The following DSCAML1 variants were observed in gnomAD, a reference collection of about 807,000 sequenced individuals.
The protein encoded by DSCAML1 is cell adhesion molecule DSCAML1.
Under a neutral mutation model 200.5 loss-of-function variants are expected in DSCAML1, and 38 were observed. That is an observed-to-expected ratio of 0.19 (90% CI 0.15 to 0.25). DSCAML1 has a LOEUF of 0.25. Ranked by LOEUF, DSCAML1 falls within the 10% of genes least tolerant of loss-of-function variation. DSCAML1 has a pLI of 1.00. For missense variants in DSCAML1, 2,223 were observed against 2,858.8 expected (o/e 0.78, Z 5.07); for synonymous variants, 1,215 against 1,165.0 (o/e 1.04, Z -0.87).
intron 20 of DSCAML1, among the ~76,000 whole-genome samples, chr11:117,449,212 G>A (rs74862038): frequency 0.016 from 2,500 of 152,244 alleles, 61 homozygotes; most frequent in African/African-American, 0.057. Context: ...AGGGGCAGGC[G>A]GGAGCTGGAA....
chr11:117,428,932 G>T (rs1592555666), intron 32 of DSCAML1, 129 bp from the exon 33 acceptor site: 3 of 778,926 alleles, frequency 3.9e-6, no homozygotes, highest in Non-Finnish European at 6.1e-6. Flanking sequence ...CCACTGGGGG[G>T]CAATAAAGAG....
chr11:117,458,809 G>C lies in DSCAML1; in HGVS notation c.3513C>G (p.Thr1171=), dbSNP rs777547723. ...TNYSVQVLAY[T]QAGDGVRSSV... ...TGCTGCGTACGCCGTCCCCAGCCTG[G>C]GTGTAGGCCAGCACCTGGACGCTGT... Residue 1171 remains threonine (T), a synonymous_variant, in exon 19 of 33, where the codon ACC becomes ACG. Transcript: ENST00000651296. 1 of 1,613,914 alleles carries C rather than the reference G, an allele frequency of 6.2e-7. No individual in the cohort carries two copies. The highest frequency in any genetic ancestry group is 8.5e-7 in the Non-Finnish European group (1 of 1,180,012).
rs749746754 is a variant in DSCAML1, at chr11:117,480,590, G to T, written c.2657-19C>A. ...GGGGGCTCTAGGGTGCGGCAGTGGA[G>T]GGGAGGGAAGTGAGGAGGGCAGCAG... On this transcript the variant is annotated intron_variant, in intron 13 of 32. Transcript: ENST00000651296. This position sits in a 1 kb window ranked among gnomAD's most constrained non-coding sequence, Gnocchi z 4.1. 6.4e-7 allele frequency: 1 copy of T among 1,552,420 alleles called. No homozygotes were observed. Among genetic ancestry groups the T allele is most frequent in the Admixed American group, 2.0e-5 (1 of 51,120 alleles).
upstream of DSCAML1, among the ~76,000 whole-genome samples, chr11:117,800,197 T>C (rs1565292740): frequency 6.6e-6 from 1 of 152,200 alleles, no homozygotes; most frequent in Non-Finnish European, 1.5e-5. Context: ...AAGTCTCCTC[T>C]TCGACAGGAG....
chr11:117,524,456 C>T (rs2049938429), intron 5 of DSCAML1, among the ~76,000 whole-genome samples: 1 of 152,210 alleles, frequency 6.6e-6, no homozygotes, highest in South Asian at 2.1e-4. Flanking sequence ...GCCCTCATGG[C>T]GAGCACATCA....
intron 3 of DSCAML1, among the ~76,000 whole-genome samples, chr11:117,571,897 T>C (rs547977089): frequency 2.0e-5 from 3 of 152,234 alleles, no homozygotes; most frequent in East Asian, 3.9e-4. Flanking sequence ...AAAACCAAGA[T>C]GGTGATGACA....
chr11:117,570,276 A>G (rs1255699542), intron 3 of DSCAML1, among the ~76,000 whole-genome samples: 1 of 152,132 alleles, frequency 6.6e-6, no homozygotes, highest in Non-Finnish European at 1.5e-5. Flanking sequence ...GGACCATTCT[A>G]GAGCATTCCT....
At chr11:117,713,475 T>C (rs375136623) in intron 3 of DSCAML1, among the ~76,000 whole-genome samples, 1 of 152,112 alleles carries the variant, frequency 6.6e-6, no homozygotes, top group Non-Finnish European at 1.5e-5. Context: ...GGAACCCACG[T>C]TGGCCTTTTC....
At chr11:117,473,736 T>C (rs2137187473) in intron 14 of DSCAML1, among the ~76,000 whole-genome samples, 1 of 152,306 alleles carries the variant, frequency 6.6e-6, no homozygotes, top group South Asian at 2.1e-4. Flanking sequence ...AGAAACAAAA[T>C]GGCAGGCTGT....
chr11:117,458,349 C>A (rs1252841451), intron 19 of DSCAML1, among the ~76,000 whole-genome samples: 1 of 152,210 alleles, frequency 6.6e-6, no homozygotes, highest in South Asian at 2.1e-4. Flanking sequence ...TGTGGGGTGA[C>A]CACAAAGTCC....
intron 3 of DSCAML1, among the ~76,000 whole-genome samples, chr11:117,614,267 C>T (rs745450975): frequency 1.3e-5 from 2 of 152,148 alleles, no homozygotes; most frequent in Non-Finnish European, 2.9e-5. Context: ...CAGTGTCCAC[C>T]AGCCCAGTGT....
chr11:117,636,685 C>T (rs1159498326), intron 3 of DSCAML1, among the ~76,000 whole-genome samples: 1 of 152,188 alleles, frequency 6.6e-6, no homozygotes, highest in Non-Finnish European at 1.5e-5. Context: ...AGAATCAGGT[C>T]CTGGGCTTAA....
intron 3 of DSCAML1, among the ~76,000 whole-genome samples, chr11:117,710,743 G>A (rs1038752358): frequency 6.6e-6 from 1 of 152,204 alleles, no homozygotes; most frequent in African/African-American, 2.4e-5. Flanking sequence ...TTGATGAATG[G>A]TAGCTGTTAG....
chr11:117,685,586 G>A (rs1231946037), intron 3 of DSCAML1, among the ~76,000 whole-genome samples: 1 of 152,168 alleles, frequency 6.6e-6, no homozygotes, highest in Non-Finnish European at 1.5e-5. Context: ...CAGCACGGGT[G>A]CCTACAAATA....
rs1256771231 is a variant in DSCAML1, at chr11:117,438,977, G to A, written c.4151C>T (p.Pro1384Leu). 11 of 1,601,292 alleles carry A rather than the reference G, an allele frequency of 6.9e-6. No homozygotes were observed. The highest frequency in any genetic ancestry group is 7.7e-6 in the Non-Finnish European group (9 of 1,175,380). ...IIVNLLVQVP[P>L]DQPRLTVSKT... ...GGAGACAGTGAGGCGGGGCTGGTCC[G>A]GGGGAACTGTGAGGGGAAAGCCACC... Residue 1384 changes from proline to leucine, a missense_variant, in exon 24 of 33, where the codon CCG becomes CTG. Transcript: ENST00000651296.
chr11:117,804,403 C>T (rs561537623), intron 1 of DSCAML1, among the ~76,000 whole-genome samples: 1 of 152,368 alleles, frequency 6.6e-6, no homozygotes, highest in South Asian at 2.1e-4. Context: ...TCTAATTTCA[C>T]TGTCCACAGT....
At chr11:117,595,268 T>C (rs1186393272) in intron 3 of DSCAML1, among the ~76,000 whole-genome samples, 1 of 152,188 alleles carries the variant, frequency 6.6e-6, no homozygotes, top group Non-Finnish European at 1.5e-5. Flanking sequence ...TTAAAAAATG[T>C]CTACTTTTTC....
At chr11:117,433,280 G>A (rs372334742) in intron 28 of DSCAML1, 24 bp from the exon 29 acceptor site, 4 of 1,594,890 alleles carry the variant, frequency 2.5e-6, no homozygotes, top group African/African-American at 2.7e-5. Flanking sequence ...GACTGGAGGT[G>A]GTGGCTCAGC....
At chr11:117,575,890 A>G (rs1421194914) in intron 3 of DSCAML1, among the ~76,000 whole-genome samples, 2 of 151,574 alleles carry the variant, frequency 1.3e-5, no homozygotes, top group Admixed American at 6.6e-5. Flanking sequence ...AACAAACAAA[A>G]AAAGAACAAG....
Sources: allele counts gnomAD v4.1 joint callset (sites outside exome capture counted in the v4.1 genomes callset), GRCh38; gene constraint gnomAD v4.1.1; non-coding constraint Gnocchi (gnomAD v3.1); transcripts MANE v1.5; gene names NCBI Gene and HGNC (gene_info 2026-07-23, HGNC 2026-07-21).